FGF2: variants seen among roughly 807,000 people sequenced by gnomAD.
FGF2 encodes the protein basic fibroblast growth factor bFGF.
Under a neutral mutation model 15.9 loss-of-function variants are expected in FGF2, and 13 were observed. The observed-to-expected ratio is 0.82, with a 90% CI of 0.53 to 1.30. The LOEUF (loss-of-function observed/expected upper bound fraction) is 1.30, where lower values mean the gene tolerates loss of function less well. FGF2 is among the 50% of genes most tolerant of loss of function. The pLI, the probability that FGF2 is intolerant of heterozygous loss-of-function variation, is 0.00. For missense variants in FGF2, 163 were observed against 196.9 expected (o/e 0.83, Z 1.03); for synonymous variants, 90 against 78.4 (o/e 1.15, Z -0.78).
chr4:122,827,395 G>A lies in FGF2; in HGVS notation c.178+43G>A. On this transcript the variant is annotated intron_variant, in intron 1 of 2. Coordinates refer to ENST00000644866, the MANE Select transcript of FGF2 (RefSeq NM_001361665.2). The surrounding 1 kb of genome is among the most constrained non-coding windows in gnomAD (Gnocchi z 4.2). ...CTCTCCGCCTCATTTCCATTTCGTG[G>A]GTTCTCGCCCGCTCTCTCCCCTCCA... 1 of 1,605,850 alleles carries A rather than the reference G, an allele frequency of 6.2e-7. No individual in the cohort carries two copies. Among genetic ancestry groups the A allele is most frequent in the South Asian group, 1.1e-5 (1 of 90,784 alleles).
At chr4:122,848,094 C>G (rs77422925) in intron 1 of FGF2, among the ~76,000 whole-genome samples, 5,439 of 152,338 alleles carry the variant, frequency 0.036, 190 homozygotes, top group African/African-American at 0.089. Flanking sequence ...TGAATAAGCC[C>G]TGGCTTGGGT....
At chr4:122,849,331 C>A (rs1726179542) in intron 1 of FGF2, among the ~76,000 whole-genome samples, 1 of 152,132 alleles carries the variant, frequency 6.6e-6, no homozygotes, top group Admixed American at 6.5e-5. Flanking sequence ...AACCATCATT[C>A]TCAGCAAACT....
At chr4:122,838,331 A>G (rs756292002) in intron 1 of FGF2, among the ~76,000 whole-genome samples, 1 of 152,240 alleles carries the variant, frequency 6.6e-6, no homozygotes, top group Non-Finnish European at 1.5e-5. Context: ...CTATGTTCCT[A>G]GGACCCTGAT....
At chr4:122,871,032 T>A (rs1726720109) in intron 1 of FGF2, among the ~76,000 whole-genome samples, 1 of 152,342 alleles carries the variant, frequency 6.6e-6, no homozygotes, top group East Asian at 1.9e-4. Context: ...CTCTTTGTTC[T>A]CGTTGTTTTC....
chr4:122,847,824 G>C (rs1386211595), intron 1 of FGF2, among the ~76,000 whole-genome samples: 1 of 152,216 alleles, frequency 6.6e-6, no homozygotes, highest in East Asian at 1.9e-4. Flanking sequence ...CTTGCTGGAG[G>C]AAAGCAGCCT....
intron 1 of FGF2, among the ~76,000 whole-genome samples, chr4:122,847,603 C>CTCTA (rs34233719): frequency 0.18 from 24,902 of 141,852 alleles, 2,677 homozygotes; most frequent in Middle Eastern, 0.25. Flanking sequence ...TAGGAGATCA[C>CTCTA]TCTATCTATC....
chr4:122,827,369 T>G lies in FGF2; in HGVS notation c.178+17T>G. The G allele has an allele frequency of 6.2e-7, 1 of 1,612,160 alleles. No individual in the cohort carries two copies. ...ACCCTCACAGTGAGTGCCGACCCGC[T>G]CTCTCCGCCTCATTTCCATTTCGTG... On this transcript the variant is annotated intron_variant, in intron 1 of 2. Transcript: ENST00000644866. The surrounding 1 kb of genome is among the most constrained non-coding windows in gnomAD (Gnocchi z 4.2).
chr4:122,885,665 C>T (rs1197338988), intron 2 of FGF2, among the ~76,000 whole-genome samples: 2 of 152,062 alleles, frequency 1.3e-5, no homozygotes, highest in African/African-American at 4.8e-5. Context: ...GTGCACCTGT[C>T]GCAACTAATG....
At chr4:122,890,101 G>A (rs1727136768) in intron 2 of FGF2, 1 of 152,046 alleles carries the variant, frequency 6.6e-6, no homozygotes, top group Non-Finnish European at 1.5e-5. Context: ...ATAGAGAAAA[G>A]GGAAGATTTT....
chr4:122,882,253 T>C (rs1726974890), intron 2 of FGF2: 1 of 152,224 alleles, frequency 6.6e-6, no homozygotes, highest in African/African-American at 2.4e-5. Flanking sequence ...ACTGGCTGAA[T>C]ATTGATTCAT....
intron 1 of FGF2, among the ~76,000 whole-genome samples, chr4:122,831,732 C>A (rs1725769599): frequency 6.6e-6 from 1 of 152,118 alleles, no homozygotes; most frequent in Admixed American, 6.5e-5. Context: ...AGGCAATATC[C>A]CCTCATGACA....
chr4:122,828,853 T>C (rs747484381), intron 1 of FGF2, among the ~76,000 whole-genome samples: 6 of 152,220 alleles, frequency 3.9e-5, no homozygotes, highest in Non-Finnish European at 8.8e-5. Flanking sequence ...TTCAAAAAAT[T>C]ATCTTTGTGA....
Position 122,892,830 on chromosome 4 carries a change from A to C in FGF2, c.*434A>C. On this transcript the variant is annotated 3_prime_UTR_variant, in exon 3 of 3. Coordinates refer to ENST00000644866, the MANE Select transcript of FGF2 (RefSeq NM_001361665.2). ...TTTCTAAACATATAAATGTGAATTTAATCAATTCCTTTCATAGTTTTATAA... is the reference window on the plus strand; with the variant it reads ...TTTCTAAACATATAAATGTGAATTTCATCAATTCCTTTCATAGTTTTATAA... 1 of 1,591,982 alleles carries C rather than the reference A, an allele frequency of 6.3e-7. No homozygotes were observed. The highest frequency in any genetic ancestry group is 1.1e-5 in the South Asian group (1 of 87,656).
At chr4:122,875,579 C>T (rs1023704688) in intron 1 of FGF2, among the ~76,000 whole-genome samples, 2 of 152,088 alleles carry the variant, frequency 1.3e-5, no homozygotes, top group African/African-American at 2.4e-5. Flanking sequence ...GAGGCCAAGG[C>T]AGGTGGGTCA....
At chr4:122,835,776 A>G (rs1725854026) in intron 1 of FGF2, among the ~76,000 whole-genome samples, 2 of 152,142 alleles carry the variant, frequency 1.3e-5, no homozygotes, top group Admixed American at 1.3e-4. Flanking sequence ...CTTCTTAAAC[A>G]TGACCTACCT....
chr4:122,875,986 G>C (rs1397360315), intron 1 of FGF2, among the ~76,000 whole-genome samples: 2 of 152,108 alleles, frequency 1.3e-5, no homozygotes, highest in African/African-American at 2.4e-5. Context: ...TAGTTAACAG[G>C]GGCGATTGAA....
intron 1 of FGF2, among the ~76,000 whole-genome samples, chr4:122,843,552 A>C (rs1435869743): frequency 6.6e-6 from 1 of 152,190 alleles, no homozygotes; most frequent in Non-Finnish European, 1.5e-5. Flanking sequence ...CAGGGAGTAC[A>C]GTTAGGAAAT....
rs1206766680 is a variant in FGF2 at position 122,827,392 on chromosome 4, G to C, written c.178+40G>C. The C allele has an allele frequency of 1.2e-6, 2 of 1,607,686 alleles. No individual in the cohort carries two copies. The highest frequency in any genetic ancestry group is 1.7e-6 in the Non-Finnish European group (2 of 1,176,126). Reference sequence around the variant, plus strand: ...GCTCTCTCCGCCTCATTTCCATTTCGTGGGTTCTCGCCCGCTCTCTCCCCT... The same window carrying C: ...GCTCTCTCCGCCTCATTTCCATTTCCTGGGTTCTCGCCCGCTCTCTCCCCT... On this transcript the variant is annotated intron_variant, in intron 1 of 2. Coordinates refer to ENST00000644866, the MANE Select transcript of FGF2 (RefSeq NM_001361665.2). This position sits in a 1 kb window ranked among gnomAD's most constrained non-coding sequence, Gnocchi z 4.2.
In FGF2 at chr4:122,857,885, A is replaced by G. The variant is rs947554380; in HGVS notation, c.179-18436A>G. ...ATTAAATTGTTTTAATTATTTTGTC[A>G]TCATCTACAATCTTAAGTTTCATAA... On this transcript the variant is annotated intron_variant, in intron 1 of 2. Coordinates refer to ENST00000644866, the MANE Select transcript of FGF2 (RefSeq NM_001361665.2). Among the ~76,000 whole-genome samples the G allele has an allele frequency of 4.6e-5, 7 of 152,292 alleles. No individual in the cohort carries two copies. The South Asian group carries it at 1.5e-3, about 32-fold the overall frequency.
Sources: gnomAD v4.1 joint callset for allele counts (sites outside exome capture counted in the v4.1 genomes callset) on GRCh38, gnomAD v4.1.1 for gene constraint, Gnocchi (gnomAD v3.1) non-coding constraint, MANE v1.5 for transcripts, NCBI Gene and HGNC (gene_info 2026-07-23, HGNC 2026-07-21) for gene names.